The following BICRA variants were observed in gnomAD, a reference collection of about 807,000 sequenced individuals.
The protein encoded by BICRA is BRD4 interacting chromatin remodeling complex associated protein.
A neutral mutation model predicts 96.9 loss-of-function variants in BICRA; 31 were observed. That is an observed-to-expected ratio of 0.32 (90% CI 0.24 to 0.43). The LOEUF is 0.43. Among genes scored for constraint, BICRA ranks in the 20% least tolerant of loss-of-function variants. BICRA has a pLI of 1.00. For missense variants in BICRA, 2,283 were observed against 2,190.3 expected (o/e 1.04, Z -0.84); for synonymous variants, 1,350 against 1,071.8 (o/e 1.26, Z -5.07).
chr19:47,625,698 G>A (rs1229569300), intron 1 of BICRA, among the ~76,000 whole-genome samples: 1 of 152,158 alleles, frequency 6.6e-6, no homozygotes, highest in Non-Finnish European at 1.5e-5. Flanking sequence ...CCTGGAGGAG[G>A]TGGTACTGGG....
At chr19:47,652,484 G>A (rs548689191) in intron 1 of BICRA, among the ~76,000 whole-genome samples, 1 of 152,222 alleles carries the variant, frequency 6.6e-6, no homozygotes, top group South Asian at 2.1e-4. Flanking sequence ...CACTGTGCCC[G>A]GCCTGTCCAG....
intron 1 of BICRA, among the ~76,000 whole-genome samples, chr19:47,669,443 C>G (rs1037341592): frequency 6.6e-6 from 1 of 152,054 alleles, no homozygotes; most frequent in Non-Finnish European, 1.5e-5. Context: ...CTTTCTAGAA[C>G]CTCACTACTG....
chr19:47,654,018 A>T (rs564395493), intron 1 of BICRA, among the ~76,000 whole-genome samples: 1 of 151,958 alleles, frequency 6.6e-6, no homozygotes, highest in South Asian at 2.1e-4. Flanking sequence ...TTTTGTGTGG[A>T]CATATGTTTT....
Position 47,699,479 on chromosome 19 carries a change from G to A in BICRA, c.3595+74G>A. The A allele has an allele frequency of 1.1e-6, 1 of 874,744 alleles. No individual in the cohort carries two copies. Among genetic ancestry groups the A allele is most frequent in the Non-Finnish European group, 1.9e-6 (1 of 535,314 alleles). 54.2% of individuals were successfully genotyped at this position (874,744 alleles called of 1,614,324 possible). ...CACCTGGGCAGAAGAGTTAGATTCAGGGCGGGGAGTGGGTGTGTGGCCCTA... is the reference window on the plus strand; with the variant it reads ...CACCTGGGCAGAAGAGTTAGATTCAAGGCGGGGAGTGGGTGTGTGGCCCTA... On this transcript the variant is annotated intron_variant, in intron 14 of 14. Coordinates refer to ENST00000594866, the MANE Select transcript of BICRA (RefSeq NM_001394372.1). The surrounding 1 kb of genome is among the most constrained non-coding windows in gnomAD (Gnocchi z 5.0).
chr19:47,677,314 A>G (rs1411864921), intron 5 of BICRA, among the ~76,000 whole-genome samples: 5 of 152,140 alleles, frequency 3.3e-5, no homozygotes. Context: ...TATCATAAGT[A>G]TTGTTTGTGG....
chr19:47,678,553 G>GA (rs1280096578), intron 5 of BICRA, among the ~76,000 whole-genome samples: 1 of 152,146 alleles, frequency 6.6e-6, no homozygotes, highest in Non-Finnish European at 1.5e-5. Context: ...GAGGCCTGGG[G>GA]CCACCACCAG....
At chr19:47,625,017 T>TG (rs1972119961) in intron 1 of BICRA, among the ~76,000 whole-genome samples, 1 of 95,130 alleles carries the variant, frequency 1.1e-5, no homozygotes, top group Non-Finnish European at 2.2e-5. Flanking sequence ...TTTTTTTTTT[T>TG]GAGACAGAGT....
chr19:47,612,384 C>A (rs1435169615), intron 1 of BICRA, among the ~76,000 whole-genome samples: 5 of 150,124 alleles, frequency 3.3e-5, no homozygotes, highest in African/African-American at 1.2e-4. Flanking sequence ...CCACTGCTCT[C>A]AAGCCTGGGC....
chr19:47,688,792 CAA>C (rs199563020), intron 7 of BICRA, among the ~76,000 whole-genome samples: 5 of 149,186 alleles, frequency 3.4e-5, no homozygotes, highest in South Asian at 2.1e-4. Flanking sequence ...GACTCCGTCT[CAA>C]AAAAAAAAAA....
In BICRA at chr19:47,694,225, G is replaced by A; in HGVS notation, c.2394G>A (p.Arg798=). 2 of 377,332 alleles carry A rather than the reference G, an allele frequency of 5.3e-6. No homozygotes were observed. The highest frequency in any genetic ancestry group is 6.6e-6 in the Non-Finnish European group (2 of 302,550). The allele number at this position is 377,332 out of a possible 1,614,324, so 23.4% of individuals were successfully genotyped here. ...ACCTGCCCTCCCCACACCCCACCCG[G>A]CCCCCTTCCCGCCCACCCTCCCGGC... ...SPHLPSPHPT[R]PPSRPPSRPQ... Residue 798 remains arginine (R), a synonymous_variant, in exon 8 of 15, where the codon CGG becomes CGA. Coordinates refer to ENST00000594866, the MANE Select transcript of BICRA (RefSeq NM_001394372.1).
chr19:47,675,059 G>A lies in BICRA; in HGVS notation c.85-792G>A, dbSNP rs183418958. The stretch of plus-strand genomic sequence containing the variant: ...GGGGAGGCATGTGGCACTGGATTTG[G>A]GATCTATCTGGGAGGTGGCATCAAC... On this transcript the variant is annotated intron_variant, in intron 4 of 14. Transcript: ENST00000594866. This position sits in a 1 kb window ranked among gnomAD's most constrained non-coding sequence, Gnocchi z 4.7. 8.2e-4 allele frequency among the ~76,000 whole-genome samples: 125 copies of A among 152,294 alleles called. No individual in the cohort carries two copies. Among genetic ancestry groups the A allele is most frequent in the Non-Finnish European group, 6.9e-4 (47 of 68,028 alleles).
In BICRA at chr19:47,680,568, G is replaced by A; in HGVS notation, c.1398G>A (p.Leu466=). The part of the protein sequence containing the change: ...SSIVIPAQHM[L]PGQNQFLLPG... The stretch of plus-strand genomic sequence containing the variant: ...TCGTCATCCCCGCCCAGCACATGCT[G>A]CCGGGCCAGAACCAGTTCCTACTGC... Residue 466 remains leucine (L), a synonymous_variant, in exon 6 of 15, where the codon CTG becomes CTA. Transcript: ENST00000594866. 7 of 1,599,466 alleles carry A rather than the reference G, an allele frequency of 4.4e-6. No individual in the cohort carries two copies. Among genetic ancestry groups the A allele is most frequent in the Non-Finnish European group, 6.0e-6 (7 of 1,174,132 alleles).
chr19:47,622,458 C>G (rs1476068123), intron 1 of BICRA, among the ~76,000 whole-genome samples: 1 of 149,228 alleles, frequency 6.7e-6, no homozygotes, highest in Non-Finnish European at 1.5e-5. Context: ...GGCGTGGTGG[C>G]TCACGCCTGT....
chr19:47,680,625 G>T lies in BICRA; in HGVS notation c.1455G>T (p.Gln485His). ...CCCCGGCGGTCCAGCTCCCGCAGCA[G>T]CTCTCAGCCCTGCCGGCCAACGTGG... ...PGAPAVQLPQ[Q>H]LSALPANVGG... The change falls in exon 6 of 15, where the codon CAG becomes CAT. Residue 485 changes from glutamine to histidine, a missense_variant. Transcript: ENST00000594866. 6.2e-7 allele frequency: 1 copy of T among 1,610,344 alleles called. No homozygotes were observed. Among genetic ancestry groups the T allele is most frequent in the Non-Finnish European group, 8.5e-7 (1 of 1,178,726 alleles).
At chr19:47,647,340 G>A (rs1972474886) in intron 1 of BICRA, among the ~76,000 whole-genome samples, 2 of 152,118 alleles carry the variant, frequency 1.3e-5, no homozygotes, top group Non-Finnish European at 2.9e-5. Flanking sequence ...GTAACTGTGT[G>A]TTAACCTACT....
chr19:47,666,470 T>G (rs1362186261), intron 1 of BICRA, among the ~76,000 whole-genome samples: 2 of 151,818 alleles, frequency 1.3e-5, no homozygotes, highest in African/African-American at 2.4e-5. Flanking sequence ...AGAGACAAGG[T>G]TTCATCATGT....
intron 1 of BICRA, among the ~76,000 whole-genome samples, chr19:47,667,022 C>CT (rs1045708307): frequency 2.3e-3 from 323 of 143,068 alleles, no homozygotes; most frequent in African/African-American, 4.4e-3. Flanking sequence ...TGTCTTTTTT[C>CT]TTTTTTTTTT....
intron 1 of BICRA, among the ~76,000 whole-genome samples, chr19:47,611,263 C>T (rs1025466446): frequency 1.2e-4 from 18 of 151,756 alleles, no homozygotes; most frequent in African/African-American, 3.7e-4. Flanking sequence ...TTAGAAGAAG[C>T]GGCCAGATTT....
chr19:47,633,129 G>A (rs184303134), intron 1 of BICRA, among the ~76,000 whole-genome samples: 9 of 137,698 alleles, frequency 6.5e-5, no homozygotes, highest in Admixed American at 4.0e-4. Flanking sequence ...CACCCAGGCC[G>A]GAGTGTGGTG....
Sources: allele counts gnomAD v4.1 joint callset (sites outside exome capture counted in the v4.1 genomes callset), GRCh38; gene constraint gnomAD v4.1.1; non-coding constraint Gnocchi (gnomAD v3.1); transcripts MANE v1.5; gene names NCBI Gene and HGNC (gene_info 2026-07-23, HGNC 2026-07-21).